Variants in FOXO1 observed in about 807,000 individuals in gnomAD.
FOXO1 encodes the protein forkhead box O1, also known as forkhead box protein O1.
A neutral mutation model predicts 44.1 loss-of-function variants in FOXO1; 6 were observed. The observed-to-expected ratio is 0.14, with a 90% confidence interval of 0.07 to 0.27. FOXO1 has a LOEUF of 0.27. Ranked by LOEUF, FOXO1 falls within the 10% of genes least tolerant of loss-of-function variation. FOXO1 has a pLI of 1.00. For missense variants in FOXO1, 737 were observed against 888.8 expected, an observed-to-expected ratio of 0.83 and a Z score of 2.17; for synonymous variants, 380 against 362.7, an observed-to-expected ratio of 1.05 and a Z score of -0.54.
chr13:40,577,032 A>G (rs1252536871), intron 1 of FOXO1, among the ~76,000 whole-genome samples: 2 of 152,216 alleles, frequency 1.3e-5, no homozygotes, highest in African/African-American at 4.8e-5. Flanking sequence ...AACATGGATA[A>G]AGCTGCAACA....
At chr13:40,567,682 C>A (rs1874320973) in intron 1 of FOXO1, among the ~76,000 whole-genome samples, 1 of 152,016 alleles carries the variant, frequency 6.6e-6, no homozygotes, top group African/African-American at 2.4e-5. Flanking sequence ...TAAATTTACA[C>A]AATGTGGGCG....
intron 1 of FOXO1, among the ~76,000 whole-genome samples, chr13:40,662,161 ACT>A (rs1215710553): frequency 8.4e-6 from 1 of 118,542 alleles, no homozygotes; most frequent in Non-Finnish European, 1.6e-5. Context: ...ACAGAGTGAG[ACT>A]CTGACTCAAA....
At chr13:40,570,562 A>C (rs1278925819) in intron 1 of FOXO1, among the ~76,000 whole-genome samples, 4 of 152,234 alleles carry the variant, frequency 2.6e-5, no homozygotes, top group Non-Finnish European at 5.9e-5. Context: ...GTAACATTTC[A>C]GCCAATAACC....
Position 40,666,256 on chromosome 13 carries a change from G to A in FOXO1, c.-44C>T, listed in dbSNP as rs542653025. On this transcript the variant is annotated 5_prime_UTR_variant, in exon 1 of 3. Coordinates refer to ENST00000379561, the MANE Select transcript of FOXO1 (RefSeq NM_002015.4). ...CCCAGCCGCAGGAGAGCCAAGAGGG[G>A]GAGAACGCAGCACTGGGGGCGGACG... 1.4e-5 allele frequency: 19 copies of A among 1,349,798 alleles called. No individual in the cohort carries two copies. In the South Asian group the frequency reaches 1.7e-4, roughly 12 times the overall value. 83.6% of individuals were successfully genotyped at this position (1,349,798 alleles called of 1,614,324 possible).
chr13:40,587,241 T>C (rs1372643908), intron 1 of FOXO1, among the ~76,000 whole-genome samples: 1 of 144,584 alleles, frequency 6.9e-6, no homozygotes, highest in East Asian at 2.1e-4. Context: ...TGACCTCCTC[T>C]GCCTGAGAAG....
chr13:40,596,276 G>C (rs1191644180), intron 1 of FOXO1, among the ~76,000 whole-genome samples: 1 of 152,112 alleles, frequency 6.6e-6, no homozygotes, highest in Non-Finnish European at 1.5e-5. Flanking sequence ...CAGAAAGCTG[G>C]GGTCTGTGAC....
intron 1 of FOXO1, among the ~76,000 whole-genome samples, chr13:40,622,237 A>G (rs939832963): frequency 5.3e-5 from 8 of 152,236 alleles, no homozygotes; most frequent in Admixed American, 6.5e-5. Flanking sequence ...AAATCTAAAA[A>G]AAGTCTATAA....
At chr13:40,640,799 T>TGTTGTTGTTGTTGTTGTTG (rs11398696) in intron 1 of FOXO1, among the ~76,000 whole-genome samples, 1 of 96,046 alleles carries the variant, frequency 1.0e-5, no homozygotes. Flanking sequence ...TTGTTGTTGT[T>TGTTGTTGTTGTTGTTGTTG]TGAGACAGAG....
intron 1 of FOXO1, among the ~76,000 whole-genome samples, chr13:40,589,966 C>G (rs1216887223): frequency 6.6e-6 from 1 of 152,142 alleles, no homozygotes; most frequent in Non-Finnish European, 1.5e-5. Context: ...GAAGAGTTAC[C>G]AAAGCCTCAC....
intron 1 of FOXO1, among the ~76,000 whole-genome samples, chr13:40,574,959 T>C (rs965426733): frequency 2.0e-5 from 3 of 152,232 alleles, no homozygotes; most frequent in African/African-American, 7.2e-5. Context: ...TATAGCTACT[T>C]TGAAGACTAA....
In FOXO1 at chr13:40,558,754, T is replaced by C. The variant is rs1873856193; in HGVS notation, c.*295A>G. The C allele has an allele frequency of 2.5e-6, 1 of 398,726 alleles. No homozygotes were observed. The highest frequency in any genetic ancestry group is 2.1e-5 in the African/African-American group (1 of 48,644). The allele number at this position is 398,726 out of a possible 1,614,324, so 24.7% of individuals were successfully genotyped here. A position where few individuals can be genotyped will look rare whatever the true frequency, so the allele number is the denominator to read the frequency against. ...AGCACACCAGGATCTGAAAATCTTTTCTGCAATTATATGGTGTAGTGAGTT... is the reference window on the plus strand; with the variant it reads ...AGCACACCAGGATCTGAAAATCTTTCCTGCAATTATATGGTGTAGTGAGTT... On this transcript the variant is annotated 3_prime_UTR_variant, in exon 3 of 3. Coordinates refer to ENST00000379561, the MANE Select transcript of FOXO1 (RefSeq NM_002015.4).
chr13:40,654,511 A>AG (rs1158006033), intron 1 of FOXO1, among the ~76,000 whole-genome samples: 11 of 151,342 alleles, frequency 7.3e-5, no homozygotes, highest in African/African-American at 2.7e-4. Context: ...AAAAAAAAAA[A>AG]AAAAGAAGAA....
In FOXO1 at chr13:40,608,158, G is replaced by T. The variant is rs929611037; in HGVS notation, c.631-47298C>A. Among the ~76,000 whole-genome samples the T allele has an allele frequency of 5.9e-5, 9 of 152,308 alleles. No individual in the cohort carries two copies. In the East Asian group the frequency reaches 1.7e-3, roughly 29 times the overall value. On this transcript the variant is annotated intron_variant, in intron 1 of 2. Coordinates refer to ENST00000379561, the MANE Select transcript of FOXO1 (RefSeq NM_002015.4). ...CTACCCTCAGCTGCTAACATTTTTA[G>T]CATTTGTGGTAGGACAGAATTATTG...
At chr13:40,630,855 T>C (rs1876939955) in intron 1 of FOXO1, among the ~76,000 whole-genome samples, 2 of 152,146 alleles carry the variant, frequency 1.3e-5, no homozygotes, top group African/African-American at 2.4e-5. Context: ...CCTTAAAGTA[T>C]AATACCAAGA....
In FOXO1 at chr13:40,559,886, G is replaced by A. The variant is rs548058902; in HGVS notation, c.1605C>T (p.Asn535=). Residue 535 remains asparagine, a synonymous_variant, in exon 2 of 3, where the codon AAC becomes AAT. Coordinates refer to ENST00000379561, the MANE Select transcript of FOXO1 (RefSeq NM_002015.4). ...PGHAQQTSAV[N]GRPLPHTVST... ...TTACCGTGTGGGGCAGGGGACGCCC[G>A]TTAACTGCAGATGTCTGCTGAGCAT... 18 of 1,614,192 alleles carry A rather than the reference G, an allele frequency of 1.1e-5. No homozygotes were observed. The highest frequency in any genetic ancestry group is 1.6e-4 in the Middle Eastern group (1 of 6,062).
chr13:40,666,420 C>T lies in FOXO1; in HGVS notation c.-208G>A, dbSNP rs1878259639. 2.4e-6 allele frequency: 1 copy of T among 417,562 alleles called. No homozygotes were observed. Among genetic ancestry groups the T allele is most frequent in the South Asian group, 6.4e-5 (1 of 15,600 alleles). 25.9% of individuals were successfully genotyped at this position (417,562 alleles called of 1,614,324 possible). ...CTTCGCGGGGCCATCCACATCGAGG[C>T]TCCTCGGGGTCCGCCGCACGGACTG... On this transcript the variant is annotated 5_prime_UTR_variant, in exon 1 of 3. Coordinates refer to ENST00000379561, the MANE Select transcript of FOXO1 (RefSeq NM_002015.4).
intron 1 of FOXO1, among the ~76,000 whole-genome samples, chr13:40,582,656 G>A (rs542688276): frequency 6.6e-6 from 1 of 152,294 alleles, no homozygotes; most frequent in Admixed American, 6.5e-5. Context: ...TCATCCGTAA[G>A]AAGCAAGTCC....
At chr13:40,588,228 G>T (rs569619101) in intron 1 of FOXO1, among the ~76,000 whole-genome samples, 18 of 152,160 alleles carry the variant, frequency 1.2e-4, no homozygotes, top group Non-Finnish European at 1.9e-4. Context: ...CAATCAAGGT[G>T]TTCCTTGCTC....
chr13:40,662,368 T>C (rs890990720), intron 1 of FOXO1, among the ~76,000 whole-genome samples: 3 of 151,908 alleles, frequency 2.0e-5, no homozygotes, highest in Admixed American at 2.0e-4. Flanking sequence ...GAGTTCAAAC[T>C]ACCACTTCCC....
Sources: allele counts gnomAD v4.1 joint callset (sites outside exome capture counted in the v4.1 genomes callset), GRCh38; gene constraint gnomAD v4.1.1; transcripts MANE v1.5; gene names NCBI Gene and HGNC (gene_info 2026-07-23, HGNC 2026-07-21).